RAD51B: variants seen among roughly 807,000 people sequenced by gnomAD.
RAD51B encodes the protein DNA repair protein RAD51 homolog 2.
RAD51B carries 38 observed loss-of-function variants against 42.2 expected under a neutral mutation model. That is an observed-to-expected ratio of 0.90 (90% CI 0.70 to 1.18). The LOEUF is 1.18. Among genes scored for constraint, RAD51B ranks in the 50% most tolerant of loss-of-function variants. RAD51B has a pLI of 0.00. For synonymous variants in RAD51B, 154 were observed against 145.2 expected (o/e 1.06, Z -0.43); for missense variants, 373 against 400.7 (o/e 0.93, Z 0.59).
At chr14:67,824,371 CTTCCATCTCCTG>C (rs2040737968) in intron 2 of RAD51B, among the ~76,000 whole-genome samples, 1 of 152,178 alleles carries the variant, frequency 6.6e-6, no homozygotes, top group Non-Finnish European at 1.5e-5. Context: ...GATTCTCCTG[CTTCCATCTCCTG>C]AGTAGCTGGG....
chr14:68,125,017 C>T (rs1595435015), intron 7 of RAD51B: 1 of 151,800 alleles, frequency 6.6e-6, no homozygotes, highest in African/African-American at 2.4e-5. Context: ...TGAAATTTTC[C>T]TGCATAATGT....
At chr14:68,138,658 C>A (rs751231009) in intron 7 of RAD51B, among the ~76,000 whole-genome samples, 1 of 152,092 alleles carries the variant, frequency 6.6e-6, no homozygotes, top group Non-Finnish European at 1.5e-5. Context: ...TTCTGCACAC[C>A]AGGAAGTCTA....
intron 10 of RAD51B, among the ~76,000 whole-genome samples, chr14:68,537,285 C>T (rs377143957): frequency 1.1e-4 from 16 of 151,798 alleles, no homozygotes; most frequent in Admixed American, 3.3e-4. Flanking sequence ...GATCACGAGG[C>T]CAGGAGATTG....
intron 7 of RAD51B, among the ~76,000 whole-genome samples, chr14:68,041,976 A>C (rs1052076067): frequency 1.3e-5 from 2 of 152,174 alleles, no homozygotes; most frequent in African/African-American, 4.8e-5. Flanking sequence ...AAACAGTCAA[A>C]GTGCTGGGAA....
chr14:68,299,764 A>T (rs1371144909), intron 8 of RAD51B, among the ~76,000 whole-genome samples: 2 of 152,208 alleles, frequency 1.3e-5, no homozygotes, highest in Non-Finnish European at 2.9e-5. Flanking sequence ...TTTTGTAAGG[A>T]TACAATTGAG....
At chr14:68,321,919 A>G (rs2082164237) in intron 8 of RAD51B, among the ~76,000 whole-genome samples, 1 of 151,952 alleles carries the variant, frequency 6.6e-6, no homozygotes, top group African/African-American at 2.4e-5. Flanking sequence ...CCTCCTGAGT[A>G]GCTGGGACCA....
At chr14:68,136,792 C>T (rs2078021502) in intron 7 of RAD51B, among the ~76,000 whole-genome samples, 1 of 66,924 alleles carries the variant, frequency 1.5e-5, no homozygotes, top group Admixed American at 1.9e-4. Flanking sequence ...ATAACATGCC[C>T]AAGGTCATAC....
intron 7 of RAD51B, among the ~76,000 whole-genome samples, chr14:68,067,210 C>T (rs534022585): frequency 6.6e-6 from 1 of 152,132 alleles, no homozygotes; most frequent in East Asian, 1.9e-4. Context: ...TGCCTGTAAT[C>T]CCAGCACTTT....
chr14:68,399,880 G>A (rs2140045528), intron 8 of RAD51B, among the ~76,000 whole-genome samples: 1 of 152,306 alleles, frequency 6.6e-6, no homozygotes, highest in Non-Finnish European at 1.5e-5. Context: ...CCAGGATGCA[G>A]TCCAGGATTA....
chr14:68,407,940 C>G (rs1566865203), intron 8 of RAD51B, among the ~76,000 whole-genome samples: 1 of 152,156 alleles, frequency 6.6e-6, no homozygotes, highest in African/African-American at 2.4e-5. Flanking sequence ...TCTGAAGACA[C>G]TTGGGAGCCA....
At chr14:68,540,711 A>AAGAG (rs967445476) in intron 10 of RAD51B, 22 of 985,240 alleles carry the variant, frequency 2.2e-5, no homozygotes, top group Non-Finnish European at 2.7e-5. Context: ...AACCAAAAGA[A>AAGAG]AGAGAGGGTG....
chr14:68,044,696 T>G (rs138393900), intron 7 of RAD51B, among the ~76,000 whole-genome samples: 59 of 152,290 alleles, frequency 3.9e-4, no homozygotes, highest in African/African-American at 1.4e-3. Context: ...AGATAACTTT[T>G]TCTTTTATTT....
intron 7 of RAD51B, among the ~76,000 whole-genome samples, chr14:68,082,856 T>C (rs1461428273): frequency 1.3e-5 from 2 of 152,164 alleles, no homozygotes; most frequent in East Asian, 3.8e-4. Context: ...AGAACTGAGG[T>C]ATTTATTGTG....
intron 7 of RAD51B, among the ~76,000 whole-genome samples, chr14:68,028,846 T>C (rs368741209): frequency 2.9e-4 from 44 of 152,256 alleles, no homozygotes; most frequent in African/African-American, 9.9e-4. Context: ...TGGAGGGAGA[T>C]GGGGAGCCCT....
chr14:68,648,425 A>G (rs1039614297), intron 10 of RAD51B, among the ~76,000 whole-genome samples: 1 of 148,720 alleles, frequency 6.7e-6, no homozygotes, highest in Non-Finnish European at 1.5e-5. Context: ...GGTGAAAAAG[A>G]CATTCTAATC....
chr14:67,956,705 A>G (rs1048116933), intron 7 of RAD51B, among the ~76,000 whole-genome samples: 1 of 152,242 alleles, frequency 6.6e-6, no homozygotes, highest in Non-Finnish European at 1.5e-5. Context: ...AATATCTTAT[A>G]TTCCTATTGT....
chr14:68,056,541 G>T (rs1384079034), intron 7 of RAD51B, among the ~76,000 whole-genome samples: 1 of 151,848 alleles, frequency 6.6e-6, no homozygotes, highest in Non-Finnish European at 1.5e-5. Flanking sequence ...CTGAGCTCAG[G>T]AGTTTGAGAC....
intron 7 of RAD51B, among the ~76,000 whole-genome samples, chr14:68,096,503 A>G (rs1566642075): frequency 6.6e-6 from 1 of 152,118 alleles, no homozygotes; most frequent in African/African-American, 2.4e-5. Context: ...CTCCTTTTCG[A>G]TATTAAATCA....
At chr14:68,601,376 G>A (rs138560282) in intron 10 of RAD51B, among the ~76,000 whole-genome samples, 243 of 152,162 alleles carry the variant, frequency 1.6e-3, no homozygotes, top group Non-Finnish European at 2.5e-3. Context: ...GGTTGGCAGC[G>A]TCATTTTCAT....
Sources: allele counts gnomAD v4.1 joint callset (sites outside exome capture counted in the v4.1 genomes callset), GRCh38; gene constraint gnomAD v4.1.1; transcripts MANE v1.5; gene names NCBI Gene and HGNC (gene_info 2026-07-23, HGNC 2026-07-21).